ULK4: variants seen among roughly 807,000 people sequenced by gnomAD.
ULK4 encodes inactive serine/threonine-protein kinase ULK4.
In ULK4, 133 loss-of-function variants were observed where a neutral mutation model predicts 160.6. The observed-to-expected ratio is 0.83, with a 90% CI of 0.72 to 0.96. The LOEUF (loss-of-function observed/expected upper bound fraction) is 0.96. Ranked by LOEUF, ULK4 falls within the 40% of genes least tolerant of loss-of-function variation. The probability of loss-of-function intolerance (pLI) is 0.00; values close to 1 mark genes in which losing one functional copy is unlikely to be tolerated. For missense variants in ULK4, 1,580 were observed against 1,499.5 expected, an observed-to-expected ratio of 1.05 and a Z score of -0.89; for synonymous variants, 534 against 539.8, an observed-to-expected ratio of 0.99 and a Z score of 0.15.
intron 30 of ULK4, among the ~76,000 whole-genome samples, chr3:41,659,474 T>C (rs1412765699): frequency 6.6e-6 from 1 of 152,212 alleles, no homozygotes; most frequent in East Asian, 1.9e-4. Context: ...CTTGACCATA[T>C]GAAGTGGTAG....
At chr3:41,306,057 C>G (rs1235198801) in intron 35 of ULK4, among the ~76,000 whole-genome samples, 8 of 148,588 alleles carry the variant, frequency 5.4e-5, no homozygotes, top group African/African-American at 1.8e-4. Flanking sequence ...GGAGCCTCTC[C>G]GCCCAGCAGC....
intron 5 of ULK4, among the ~76,000 whole-genome samples, chr3:41,923,308 G>A (rs1339415956): frequency 2.0e-5 from 3 of 152,120 alleles, no homozygotes; most frequent in African/African-American, 4.8e-5. Flanking sequence ...AGACCAGCCT[G>A]GCCAACATGG....
At chr3:41,450,511 T>C (rs2083401718) in intron 34 of ULK4, among the ~76,000 whole-genome samples, 1 of 152,234 alleles carries the variant, frequency 6.6e-6, no homozygotes, top group South Asian at 2.1e-4. Context: ...CTCTTAAGGA[T>C]AAGTAGGTTT....
At chr3:41,826,145 A>G (rs565833269) in intron 18 of ULK4, among the ~76,000 whole-genome samples, 1 of 152,288 alleles carries the variant, frequency 6.6e-6, no homozygotes, top group Admixed American at 6.5e-5. Context: ...GCCCTACAAG[A>G]GCTCCTGAAG....
chr3:41,500,810 T>A (rs2085177015), intron 32 of ULK4, among the ~76,000 whole-genome samples: 1 of 152,198 alleles, frequency 6.6e-6, no homozygotes, highest in African/African-American at 2.4e-5. Context: ...TAGTTTTTAC[T>A]CCTCTTACTA....
Position 41,398,268 on chromosome 3 carries a change from A to G in ULK4, c.3493-4T>C. On this transcript the variant is annotated splice_region_variant and splice_polypyrimidine_tract_variant and intron_variant, in intron 34 of 36. Transcript: ENST00000301831. ...TCTCAGGATCTTCATTAGGAAGCTG[A>G]AAATTAACAAATAAGACTATTTAAA... is the stretch of plus-strand genomic sequence containing the variant. The G allele has an allele frequency of 6.2e-7, 1 of 1,610,588 alleles. No individual in the cohort carries two copies. The highest frequency in any genetic ancestry group is 8.5e-7 in the Non-Finnish European group (1 of 1,178,896).
chr3:41,663,455 C>T (rs774420031), intron 30 of ULK4, 152 bp downstream of exon 30: 5 of 653,138 alleles, frequency 7.7e-6, no homozygotes, highest in South Asian at 2.0e-5. Context: ...GCATAAATGA[C>T]AGATATTACA....
intron 32 of ULK4, among the ~76,000 whole-genome samples, chr3:41,506,595 T>C (rs1388478016): frequency 6.6e-6 from 1 of 151,474 alleles, no homozygotes; most frequent in African/African-American, 2.4e-5. Flanking sequence ...CTTACTTTTC[T>C]ACAAATTTAA....
chr3:41,371,657 G>C (rs957838406), intron 35 of ULK4, among the ~76,000 whole-genome samples: 9 of 152,100 alleles, frequency 5.9e-5, no homozygotes, highest in Admixed American at 1.3e-4. Flanking sequence ...CAATAGCAAA[G>C]ACCACATGTA....
chr3:41,620,225 A>G (rs1215434187), intron 30 of ULK4, among the ~76,000 whole-genome samples: 1 of 152,204 alleles, frequency 6.6e-6, no homozygotes, highest in African/African-American at 2.4e-5. Context: ...ACCATTTCAA[A>G]CAACAGAAAA....
At chr3:41,563,477 C>T (rs1795314) in intron 32 of ULK4, among the ~76,000 whole-genome samples, 63,277 of 152,012 alleles carry the variant, frequency 0.42, 14,633 homozygotes, top group Middle Eastern at 0.51. Flanking sequence ...CCATTCTCCC[C>T]GTCACGTTCA....
intron 22 of ULK4, among the ~76,000 whole-genome samples, chr3:41,747,470 G>A (rs2038457430): frequency 6.6e-6 from 1 of 151,140 alleles, no homozygotes; most frequent in African/African-American, 2.5e-5. Flanking sequence ...ATTTATACAA[G>A]AGACCACGAT....
intron 22 of ULK4, among the ~76,000 whole-genome samples, chr3:41,729,284 A>G (rs1289856059): frequency 6.6e-6 from 1 of 152,182 alleles, no homozygotes; most frequent in African/African-American, 2.4e-5. Flanking sequence ...GCTCCCACGA[A>G]TGTCATGAAA....
At chr3:41,500,385 C>A (rs1224112695) in intron 32 of ULK4, among the ~76,000 whole-genome samples, 1 of 150,138 alleles carries the variant, frequency 6.7e-6, no homozygotes, top group African/African-American at 2.4e-5. Flanking sequence ...ATACAAAAAT[C>A]TTTATTTCAT....
intron 21 of ULK4, among the ~76,000 whole-genome samples, chr3:41,775,328 T>C (rs1249252376): frequency 1.3e-5 from 2 of 150,574 alleles, no homozygotes; most frequent in African/African-American, 5.0e-5. Flanking sequence ...AAACAAAATT[T>C]ACAGTATTAA....
intron 32 of ULK4, among the ~76,000 whole-genome samples, chr3:41,530,096 T>C (rs751749438): frequency 2.0e-5 from 3 of 152,214 alleles, no homozygotes; most frequent in African/African-American, 4.8e-5. Context: ...TACTGAATTA[T>C]GTACTTTCAA....
chr3:41,555,897 G>A (rs1487643104), intron 32 of ULK4, among the ~76,000 whole-genome samples: 1 of 152,132 alleles, frequency 6.6e-6, no homozygotes, highest in Non-Finnish European at 1.5e-5. Flanking sequence ...GGAGCTGTAG[G>A]CTATTATCCT....
At chr3:41,931,469 T>TA (rs1699596171) in intron 5 of ULK4, among the ~76,000 whole-genome samples, 1 of 9,466 alleles carries the variant, frequency 1.1e-4, no homozygotes, top group Non-Finnish European at 1.4e-3. Flanking sequence ...ACCCTAGAAC[T>TA]TAAAAAAAAA....
chr3:41,935,017 ATTTTTT>A lies in ULK4; in HGVS notation c.378+778_378+783del, dbSNP rs10635589. Among the ~76,000 whole-genome samples the A allele has an allele frequency of 3.5e-5, 4 of 112,888 alleles. No individual in the cohort carries two copies. In the South Asian group the frequency reaches 1.1e-3, roughly 32 times the overall value. The allele number at this position is 112,888 out of a possible 152,430, so 74.1% of individuals were successfully genotyped here. On this transcript the variant is annotated intron_variant, in intron 4 of 36. Transcript: ENST00000301831. Reference sequence around the variant, plus strand: ...ACCATATATTTCCTTTTATTTATTAATTTTTTTTTTTTTTTTTTTTTGAAATGGAGT... The same window carrying A: ...ACCATATATTTCCTTTTATTTATTAATTTTTTTTTTTTTTTGAAATGGAGT...
Sources: gnomAD v4.1 joint callset for allele counts (sites outside exome capture counted in the v4.1 genomes callset) on GRCh38, gnomAD v4.1.1 for gene constraint, MANE v1.5 for transcripts, NCBI Gene and HGNC (gene_info 2026-07-23, HGNC 2026-07-21) for gene names.